COL4A4: variants seen among roughly 807,000 people sequenced by gnomAD.
The protein encoded by COL4A4 is collagen alpha-4(IV) chain.
COL4A4 carries 105 observed loss-of-function variants against 192.9 expected under a neutral mutation model. The observed-to-expected ratio is 0.54, with a 90% CI of 0.46 to 0.64. The LOEUF (loss-of-function observed/expected upper bound fraction) is 0.64, where lower values mean the gene tolerates loss of function less well. COL4A4 is among the 30% of genes least tolerant of loss of function. COL4A4 has a pLI of 0.00. For missense variants in COL4A4, 1,967 were observed against 2,169.3 expected, an observed-to-expected ratio of 0.91 and a Z score of 1.85; for synonymous variants, 762 against 769.9, an observed-to-expected ratio of 0.99 and a Z score of 0.17.
intron 1 of COL4A4, among the ~76,000 whole-genome samples, chr2:227,150,656 TA>T (rs1244111690): frequency 2.0e-5 from 3 of 152,182 alleles, no homozygotes; most frequent in Non-Finnish European, 4.4e-5. Flanking sequence ...TCAGGAAATT[TA>T]CACTCATAGC....
intron 31 of COL4A4, among the ~76,000 whole-genome samples, chr2:227,054,219 G>A (rs552133060): frequency 9.9e-5 from 15 of 152,266 alleles, no homozygotes; most frequent in Non-Finnish European, 1.2e-4. Context: ...GCCTGAAATT[G>A]TTATTATCAG....
chr2:227,067,511 A>T (rs1384297535), intron 25 of COL4A4, among the ~76,000 whole-genome samples: 1 of 152,218 alleles, frequency 6.6e-6, no homozygotes, highest in East Asian at 1.9e-4. Context: ...AATTATAACA[A>T]ACTATCTCTC....
At chr2:227,131,557 T>A (rs989971305) in intron 4 of COL4A4, among the ~76,000 whole-genome samples, 1 of 152,200 alleles carries the variant, frequency 6.6e-6, no homozygotes, top group African/African-American at 2.4e-5. Flanking sequence ...TGCTAGCCTG[T>A]CTCCTTCCCA....
the COL4A4 span, among the ~76,000 whole-genome samples, chr2:226,972,263 C>G: frequency 6.6e-6 from 1 of 152,148 alleles, no homozygotes; most frequent in East Asian, 1.9e-4. Flanking sequence ...TGATCTCATT[C>G]TTTTGTATGG....
At chr2:227,120,401 G>A (rs2061710738) in intron 5 of COL4A4, among the ~76,000 whole-genome samples, 1 of 152,152 alleles carries the variant, frequency 6.6e-6, no homozygotes, top group Non-Finnish European at 1.5e-5. Flanking sequence ...ATAAGGAATG[G>A]TCTCTAAGAC....
At position 227,120,011 on chromosome 2, in the gene COL4A4, A is replaced by G. The variant is rs939759046; in HGVS notation, c.328-72T>C. 3.4e-6 allele frequency: 4 copies of G among 1,185,084 alleles called. No individual in the cohort carries two copies. The East Asian group carries it at 1.1e-4, about 32-fold the overall frequency. 73.4% of individuals were successfully genotyped at this position (1,185,084 alleles called of 1,614,324 possible). A position where few individuals can be genotyped will look rare whatever the true frequency, so the allele number is the denominator to read the frequency against. Reference sequence around the variant, plus strand: ...ATAAGCTGATTTACTTGAAAATAGTAACAATTAATTACTCATCTTTAAACA... The same window carrying G: ...ATAAGCTGATTTACTTGAAAATAGTGACAATTAATTACTCATCTTTAAACA... On this transcript the variant is annotated intron_variant, in intron 5 of 47. Coordinates refer to ENST00000396625, the MANE Select transcript of COL4A4 (RefSeq NM_000092.5).
At chr2:227,091,713 G>A (rs942785926) in intron 20 of COL4A4, among the ~76,000 whole-genome samples, 1 of 152,024 alleles carries the variant, frequency 6.6e-6, no homozygotes, top group Non-Finnish European at 1.5e-5. Flanking sequence ...GGCCAACATG[G>A]TGAAACCCTG....
chr2:227,022,333 A>G (rs561648906), intron 43 of COL4A4, among the ~76,000 whole-genome samples, 160 bp from the exon 44 acceptor site: 36 of 152,352 alleles, frequency 2.4e-4, no homozygotes, highest in East Asian at 7.7e-4. Context: ...CAACAATCCA[A>G]TGTAAGTTCC....
At chr2:226,972,120 TC>T in the COL4A4 span, among the ~76,000 whole-genome samples, 1 of 152,142 alleles carries the variant, frequency 6.6e-6, no homozygotes, top group Non-Finnish European at 1.5e-5. Context: ...GCTGTTCCAC[TC>T]CCTGTATCCA....
At chr2:227,132,428 G>A (rs1487801385) in intron 4 of COL4A4, among the ~76,000 whole-genome samples, 1 of 152,176 alleles carries the variant, frequency 6.6e-6, no homozygotes, top group African/African-American at 2.4e-5. Flanking sequence ...ATGGTTACTT[G>A]CCGAATGAAT....
chr2:227,032,002 T>C lies in COL4A4; in HGVS notation c.3760A>G (p.Ile1254Val). 6.2e-7 allele frequency: 1 copy of C among 1,614,018 alleles called. No individual in the cohort carries two copies. Among genetic ancestry groups the C allele is most frequent in the Admixed American group, 1.7e-5 (1 of 60,014 alleles). Reference sequence around the variant, plus strand: ...TCTCCAGGTGGACCCGGGTCAGGAATGTCCTTAGGAGCTCTTCCTGTGGCA... The same window carrying C: ...TCTCCAGGTGGACCCGGGTCAGGAACGTCCTTAGGAGCTCTTCCTGTGGCA... Reference protein sequence around the residue: ...AGATGRAPKDIPDPGPPGDQG... With the variant: ...AGATGRAPKDVPDPGPPGDQG... Residue 1254 changes from isoleucine (I) to valine (V), a missense_variant, in exon 40 of 48, where the codon ATT (isoleucine) becomes GTT (valine). Physicochemically the swap from Ile to Val is conservative, Grantham distance 29. Coordinates refer to ENST00000396625, the MANE Select transcript of COL4A4 (RefSeq NM_000092.5).
At position 227,074,414 on chromosome 2, in the gene COL4A4, G is replaced by A; in HGVS notation, c.1987+3480C>T. ...GACAAAAAACAATAGATATTGGCAT[G>A]GATGTGGAGAAAAGGGAACACTTAT... On this transcript the variant is annotated intron_variant, in intron 25 of 47. Coordinates refer to ENST00000396625, the MANE Select transcript of COL4A4 (RefSeq NM_000092.5). Among the ~76,000 whole-genome samples, 3 of 152,098 alleles carry A rather than the reference G, an allele frequency of 2.0e-5. 1 individual carries two copies.
intron 37 of COL4A4, among the ~76,000 whole-genome samples, chr2:227,037,875 G>A (rs901534040): frequency 1.3e-4 from 20 of 152,138 alleles, no homozygotes; most frequent in African/African-American, 4.6e-4. Context: ...TTTGTTGGCC[G>A]CATAAATGTC....
chr2:227,137,056 T>C (rs1443402066), intron 4 of COL4A4, among the ~76,000 whole-genome samples: 4 of 152,114 alleles, frequency 2.6e-5, no homozygotes, highest in Non-Finnish European at 5.9e-5. Context: ...GGAAAACCCA[T>C]TCATCTCAGG....
At chr2:227,012,623 A>G (rs1963995650) in intron 44 of COL4A4, among the ~76,000 whole-genome samples, 1 of 130,978 alleles carries the variant, frequency 7.6e-6, no homozygotes, top group Non-Finnish European at 1.6e-5. Context: ...GTCTTCATAT[A>G]TTTGACTTCA....
chr2:227,033,563 G>T, intron 37 of COL4A4, 82 bp from the exon 38 acceptor site: 1 of 1,243,260 alleles, frequency 8.0e-7, no homozygotes, highest in African/African-American at 1.5e-5. Flanking sequence ...GCACTGCCCA[G>T]CAGAGGGCGC....
intron 17 of COL4A4, among the ~76,000 whole-genome samples, 160 bp downstream of exon 17, chr2:227,101,344 T>C (rs898585841): frequency 1.3e-5 from 2 of 152,116 alleles, no homozygotes; most frequent in Non-Finnish European, 2.9e-5. Flanking sequence ...ATCAGCAACA[T>C]GAAAAACAGA....
chr2:227,123,867 G>A lies in COL4A4; in HGVS notation c.193-2719C>T, dbSNP rs1266004432. 3.3e-5 allele frequency among the ~76,000 whole-genome samples: 5 copies of A among 152,202 alleles called. No individual in the cohort carries two copies. The highest frequency in any genetic ancestry group is 1.3e-4 in the Admixed American group (2 of 15,288). On this transcript the variant is annotated intron_variant, in intron 4 of 47. Coordinates refer to ENST00000396625, the MANE Select transcript of COL4A4 (RefSeq NM_000092.5). This position sits in a 1 kb window ranked among gnomAD's most constrained non-coding sequence, Gnocchi z 4.6. ...GAGGGAGAAACAGAGTGAGCACCCA[G>A]GCTATGCGTCAGCCTCCTGGGTTTG...
At chr2:227,019,722 C>T (rs1276176065) in intron 44 of COL4A4, among the ~76,000 whole-genome samples, 2 of 152,234 alleles carry the variant, frequency 1.3e-5, no homozygotes, top group African/African-American at 4.8e-5. Flanking sequence ...GGCTAGAGTG[C>T]AGTGGTGCGA....
Sources: gnomAD v4.1 joint callset for allele counts (sites outside exome capture counted in the v4.1 genomes callset) on GRCh38, gnomAD v4.1.1 for gene constraint, Gnocchi (gnomAD v3.1) non-coding constraint, MANE v1.5 for transcripts, NCBI Gene and HGNC (gene_info 2026-07-23, HGNC 2026-07-21) for gene names.